FAM78B: variants seen among roughly 807,000 people sequenced by gnomAD.
The protein encoded by FAM78B is protein FAM78B.
In FAM78B, 10 loss-of-function variants were observed where a neutral mutation model predicts 20.0. The ratio of observed to expected loss-of-function variants is 0.50; its 90% CI spans 0.31 to 0.85. The LOEUF (loss-of-function observed/expected upper bound fraction) is 0.85, where lower values mean the gene tolerates loss of function less well. Ranked by LOEUF, FAM78B falls within the 40% of genes least tolerant of loss-of-function variation. The pLI is 0.05. For synonymous variants in FAM78B, 135 were observed against 132.8 expected (o/e 1.02, Z -0.12); for missense variants, 283 against 345.0 (o/e 0.82, Z 1.42).
At chr1:166,075,702 T>A (rs533734568) in intron 1 of FAM78B, among the ~76,000 whole-genome samples, 1 of 152,360 alleles carries the variant, frequency 6.6e-6, no homozygotes, top group South Asian at 2.1e-4. Context: ...TGCCTCATCT[T>A]TCAACCTTTT....
intron 1 of FAM78B, among the ~76,000 whole-genome samples, chr1:166,109,896 A>ATGTATGTATGTG (rs1274757469): frequency 3.5e-4 from 21 of 59,970 alleles, no homozygotes; most frequent in African/African-American, 1.2e-3. Context: ...ATATGTATAT[A>ATGTATGTATGTG]TATATATATA....
intron 1 of FAM78B, among the ~76,000 whole-genome samples, chr1:166,154,150 A>T (rs1655802645): frequency 6.6e-6 from 1 of 152,142 alleles, no homozygotes; most frequent in South Asian, 2.1e-4. Flanking sequence ...TGGCCCCCTC[A>T]CAATCTGTCA....
At chr1:166,084,237 A>ACACACTCTCTCTCTCT (rs771421402) in intron 1 of FAM78B, among the ~76,000 whole-genome samples, 462 of 125,448 alleles carry the variant, frequency 3.7e-3, no homozygotes, top group Non-Finnish European at 5.7e-3. Context: ...ACACACACAC[A>ACACACTCTCTCTCTCT]CTCTCTCTCT....
At chr1:166,113,271 G>T (rs925409863) in intron 1 of FAM78B, among the ~76,000 whole-genome samples, 1 of 152,226 alleles carries the variant, frequency 6.6e-6, no homozygotes, top group Non-Finnish European at 1.5e-5. Context: ...CTTCCTGGGA[G>T]AAAAAGACTT....
chr1:166,157,584 C>T (rs1319961106), intron 1 of FAM78B, among the ~76,000 whole-genome samples: 1 of 152,100 alleles, frequency 6.6e-6, no homozygotes, highest in African/African-American at 2.4e-5. Context: ...AGGAACAGTG[C>T]AGGAATTCTT....
intron 1 of FAM78B, among the ~76,000 whole-genome samples, chr1:166,074,954 T>A (rs1014311842): frequency 6.6e-6 from 1 of 152,168 alleles, no homozygotes; most frequent in Admixed American, 6.5e-5. Context: ...GGAATAGAGA[T>A]AGGCATTCCA....
intron 1 of FAM78B, among the ~76,000 whole-genome samples, chr1:166,162,640 C>T (rs1165174975): frequency 2.0e-5 from 3 of 152,204 alleles, no homozygotes; most frequent in Admixed American, 6.5e-5. Context: ...CTTCTGCATA[C>T]TCAAGAGGTA....
chr1:166,136,805 G>A (rs1481450542), intron 1 of FAM78B, among the ~76,000 whole-genome samples: 1 of 152,190 alleles, frequency 6.6e-6, no homozygotes, highest in Admixed American at 6.5e-5. Context: ...AATAGTCTAG[G>A]CTCCTGCTCA....
downstream of FAM78B, among the ~76,000 whole-genome samples, chr1:166,066,072 C>T (rs191171814): frequency 6.6e-6 from 1 of 152,344 alleles, no homozygotes; most frequent in East Asian, 1.9e-4. Context: ...ACTGCTCACA[C>T]CCCAAAGGCT....
chr1:166,166,346 T>C lies in FAM78B; in HGVS notation c.-98A>G, dbSNP rs2101811949. Reference sequence around the variant, plus strand: ...TCACGCCGGCATGGCGACGCGCCGCTCGCTCCCGGTCAGACTCAGCTCGCA... The same window carrying C: ...TCACGCCGGCATGGCGACGCGCCGCCCGCTCCCGGTCAGACTCAGCTCGCA... On this transcript the variant is annotated 5_prime_UTR_variant, in exon 1 of 2. Coordinates refer to ENST00000354422, the MANE Select transcript of FAM78B (RefSeq NM_001017961.5). 1.0e-6 allele frequency: 1 copy of C among 1,004,214 alleles called. No homozygotes were observed. The highest frequency in any genetic ancestry group is 4.7e-5 in the South Asian group (1 of 21,466). 62.2% of individuals were successfully genotyped at this position (1,004,214 alleles called of 1,614,324 possible).
At chr1:166,104,840 A>G (rs1557901258) in intron 1 of FAM78B, among the ~76,000 whole-genome samples, 1 of 152,236 alleles carries the variant, frequency 6.6e-6, no homozygotes, top group African/African-American at 2.4e-5. Flanking sequence ...TCTTCACAGA[A>G]TTGGAAAAAA....
chr1:166,070,412 C>T lies in FAM78B; in HGVS notation c.615G>A (p.Leu205=), dbSNP rs1651979764. Residue 205 remains leucine (L), a synonymous_variant, in exon 2 of 2, where the codon TTG becomes TTA. Coordinates refer to ENST00000354422, the MANE Select transcript of FAM78B (RefSeq NM_001017961.5). The part of the protein sequence containing the change: ...VDIEVDPLQL[L]GQRARLVGRT... ...TGCCCACCAGCCGGGCCCGCTGCCC[C>T]AAGAGCTGAAGAGGGTCCACTTCAA... 2 of 1,614,076 alleles carry T rather than the reference C, an allele frequency of 1.2e-6. No homozygotes were observed. The highest frequency in any genetic ancestry group is 1.7e-6 in the Non-Finnish European group (2 of 1,180,028).
intron 2 of FAM78B, among the ~76,000 whole-genome samples, chr1:166,063,560 A>G (rs1651687609): frequency 7.2e-6 from 1 of 138,978 alleles, no homozygotes; most frequent in South Asian, 2.3e-4. Flanking sequence ...AGCTCTGTGA[A>G]AAAATAATAA....
chr1:166,103,319 C>G (rs1163092902), intron 1 of FAM78B, among the ~76,000 whole-genome samples: 1 of 152,146 alleles, frequency 6.6e-6, no homozygotes, highest in East Asian at 1.9e-4. Flanking sequence ...CAAACACATT[C>G]AAAAGCTAGC....
intron 1 of FAM78B, among the ~76,000 whole-genome samples, chr1:166,156,353 C>T (rs189177183): frequency 2.0e-5 from 3 of 152,324 alleles, no homozygotes; most frequent in South Asian, 2.1e-4. Flanking sequence ...TGTCCACATG[C>T]TGTCTGAGCC....
chr1:166,096,997 C>T (rs909841699), intron 1 of FAM78B, among the ~76,000 whole-genome samples: 18 of 152,276 alleles, frequency 1.2e-4, no homozygotes, highest in African/African-American at 2.6e-4. Context: ...CTGAAGGAAG[C>T]GGACTGCTCC....
At chr1:166,077,498 G>A (rs1652320579) in intron 1 of FAM78B, among the ~76,000 whole-genome samples, 1 of 150,676 alleles carries the variant, frequency 6.6e-6, no homozygotes, top group East Asian at 1.9e-4. Context: ...AACTATTACA[G>A]AAATCAAATG....
chr1:166,072,183 A>G (rs1015768313), intron 1 of FAM78B, among the ~76,000 whole-genome samples: 1 of 152,140 alleles, frequency 6.6e-6, no homozygotes, highest in Non-Finnish European at 1.5e-5. Flanking sequence ...AGTGCTGATT[A>G]ACATCTCAGC....
intron 1 of FAM78B, among the ~76,000 whole-genome samples, chr1:166,113,918 G>A (rs1654159102): frequency 6.6e-6 from 1 of 152,186 alleles, no homozygotes; most frequent in Admixed American, 6.5e-5. Context: ...GTCCAAACTG[G>A]TGAAAACCAG....
Sources: gnomAD v4.1 joint callset for allele counts (sites outside exome capture counted in the v4.1 genomes callset) on GRCh38, gnomAD v4.1.1 for gene constraint, MANE v1.5 for transcripts, NCBI Gene and HGNC (gene_info 2026-07-23, HGNC 2026-07-21) for gene names.